MSI1: variants seen among roughly 807,000 people sequenced by gnomAD.
MSI1 encodes the protein musashi RNA binding protein 1, also known as RNA-binding protein Musashi homolog 1.
MSI1 carries 15 observed loss-of-function variants against 54.4 expected under a neutral mutation model. That is an observed-to-expected ratio of 0.28 (90% CI 0.18 to 0.42). The LOEUF (loss-of-function observed/expected upper bound fraction) is 0.42. MSI1 is among the 20% of genes least tolerant of loss of function. The probability of loss-of-function intolerance (pLI) is 1.00; values close to 1 mark genes in which losing one functional copy is unlikely to be tolerated. For missense variants in MSI1, 304 were observed against 506.0 expected, an observed-to-expected ratio of 0.60 and a Z score of 3.83; for synonymous variants, 200 against 196.5, an observed-to-expected ratio of 1.02 and a Z score of -0.15.
chr12:120,369,141 G>A lies in MSI1; in HGVS notation c.-50C>T. On this transcript the variant is annotated 5_prime_UTR_variant, in exon 1 of 15. Coordinates refer to ENST00000257552, the MANE Select transcript of MSI1 (RefSeq NM_002442.4). ...GCGGAGCGGCGGCGGCGGCGGCGGC[G>A]GCGGCGCTCGGCGCGGGGCAGATGA... is the stretch of plus-strand genomic sequence containing the variant. 3 of 1,000,430 alleles carry A rather than the reference G, an allele frequency of 3.0e-6. No homozygotes were observed. The highest frequency in any genetic ancestry group is 3.6e-6 in the Non-Finnish European group (3 of 844,592). 62.0% of individuals were successfully genotyped at this position (1,000,430 alleles called of 1,614,324 possible).
Position 120,353,300 on chromosome 12 carries a change from G to T in MSI1, c.732C>A (p.Pro244=). 1 of 1,613,920 alleles carries T rather than the reference G, an allele frequency of 6.2e-7. No individual in the cohort carries two copies. Among genetic ancestry groups the T allele is most frequent in the South Asian group, 1.1e-5 (1 of 91,066 alleles). The change falls in exon 10 of 15, where the codon CCC becomes CCA. Residue 244 remains proline (P), a splice_region_variant and synonymous_variant. Transcript: ENST00000257552. ...AGAGGGATACTGAGCAGGACTTACC[G>T]GGGAACTGGTAGGTGTAGCCAGGGG... ...GLAPGYTYQF[P]EFRVERTPLP...
intron 11 of MSI1, among the ~76,000 whole-genome samples, chr12:120,350,502 C>T (rs541101325): frequency 6.6e-6 from 1 of 152,198 alleles, no homozygotes; most frequent in Non-Finnish European, 1.5e-5. Context: ...TTTGGGGGAA[C>T]CCTGAGCACC....
intron 9 of MSI1, among the ~76,000 whole-genome samples, chr12:120,353,984 T>A (rs1392861568): frequency 2.0e-5 from 3 of 152,196 alleles, no homozygotes. Context: ...TGATTTTTTT[T>A]TCTTTTTTCT....
chr12:120,352,402 G>A (rs932702958), intron 10 of MSI1, among the ~76,000 whole-genome samples: 2 of 152,010 alleles, frequency 1.3e-5, no homozygotes, highest in African/African-American at 4.8e-5. Flanking sequence ...TTGGGGGAAG[G>A]CAGCCTGATG....
intron 6 of MSI1, among the ~76,000 whole-genome samples, chr12:120,359,271 A>G (rs1411258571): frequency 6.6e-6 from 1 of 152,154 alleles, no homozygotes. Flanking sequence ...ATTAAGCTCC[A>G]TTGTCCTCCC....
In MSI1 at chr12:120,352,373, T is replaced by TTGTG. The variant is rs372263696; in HGVS notation, c.733+922_733+925dup. ...AACATCTCCCAGAATCCTCTTCTTCTTGTGTGTGTGTGTGTGTGTTGGGGG... is the reference window on the plus strand; with the variant it reads ...AACATCTCCCAGAATCCTCTTCTTCTTGTGTGTGTGTGTGTGTGTGTGTTGGGGG... On this transcript the variant is annotated intron_variant, in intron 10 of 14. Coordinates refer to ENST00000257552, the MANE Select transcript of MSI1 (RefSeq NM_002442.4). Among the ~76,000 whole-genome samples the TTGTG allele has an allele frequency of 5.3e-4, 80 of 150,532 alleles. 1 individual carries two copies. The highest frequency in any genetic ancestry group is 1.8e-3 in the African/African-American group (72 of 41,116).
At chr12:120,345,430 G>A (rs1874028902) in intron 14 of MSI1, 140 bp downstream of exon 14, 1 of 688,422 alleles carries the variant, frequency 1.5e-6, no homozygotes, top group Non-Finnish European at 2.5e-6. Context: ...CATCTTTATT[G>A]ACCACAGCTG....
At chr12:120,352,721 T>C (rs1175249553) in intron 10 of MSI1, among the ~76,000 whole-genome samples, 1 of 151,520 alleles carries the variant, frequency 6.6e-6, no homozygotes, top group Admixed American at 6.6e-5. Context: ...GTATTTCTTA[T>C]TTCAAAGAAA....
chr12:120,349,095 A>ATTT (rs11447122), intron 11 of MSI1, among the ~76,000 whole-genome samples: 9 of 128,274 alleles, frequency 7.0e-5, no homozygotes, highest in Admixed American at 1.7e-4. Flanking sequence ...GTTTTACTTG[A>ATTT]TTTTTTTTTT....
At chr12:120,349,602 T>C (rs148062104) in intron 11 of MSI1, among the ~76,000 whole-genome samples, 68 of 152,362 alleles carry the variant, frequency 4.5e-4, no homozygotes, top group African/African-American at 1.5e-3. Context: ...ACCTTGTCTG[T>C]GTCACTCACT....
chr12:120,346,231 G>A lies in MSI1; in HGVS notation c.951C>T (p.Ala317=). ...CCTGGTTGGCCGCCCCGTAGAGCTC[G>A]GCCATGGGGCCGGGGCTGGTGGTCC... The part of the protein sequence containing the change: ...FLGTTSPGPM[A]ELYGAANQDS... Residue 317 remains alanine (A), a synonymous_variant, in exon 13 of 15, where the codon GCC becomes GCT. Coordinates refer to ENST00000257552, the MANE Select transcript of MSI1 (RefSeq NM_002442.4). 1.9e-6 allele frequency: 3 copies of A among 1,596,104 alleles called. No homozygotes were observed. The highest frequency in any genetic ancestry group is 2.3e-5 in the East Asian group (1 of 44,232).
chr12:120,360,754 CT>C (rs1482654567), intron 6 of MSI1, among the ~76,000 whole-genome samples: 3 of 152,038 alleles, frequency 2.0e-5, no homozygotes, highest in African/African-American at 7.2e-5. Context: ...GTTTCTCTGG[CT>C]TTGGTTCCTC....
intron 11 of MSI1, among the ~76,000 whole-genome samples, chr12:120,349,835 T>G (rs975348287): frequency 4.6e-5 from 7 of 152,370 alleles, no homozygotes; most frequent in African/African-American, 1.7e-4. Flanking sequence ...CTCTGAGGTC[T>G]GTTGTTTGGC....
At chr12:120,352,997 C>T (rs1874761872) in intron 10 of MSI1, among the ~76,000 whole-genome samples, 1 of 152,112 alleles carries the variant, frequency 6.6e-6, no homozygotes, top group Non-Finnish European at 1.5e-5. Context: ...AATGCCCTCT[C>T]TGGTGGAAGT....
rs1232552791 is a variant in MSI1 at position 120,364,782 on chromosome 12, G to T, written c.268-27C>A. The T allele has an allele frequency of 2.5e-6, 4 of 1,583,878 alleles. No individual in the cohort carries two copies. The Admixed American group carries it at 5.5e-5, about 22-fold the overall frequency. ...TACAAGAAAAGGGAGAGGTAGAAGG[G>T]GTCTTGGTTATCGCATTTTTAGAAG... On this transcript the variant is annotated intron_variant, in intron 4 of 14. Transcript: ENST00000257552.
At chr12:120,346,610 C>T in intron 12 of MSI1, among the ~76,000 whole-genome samples, 1 of 152,152 alleles carries the variant, frequency 6.6e-6, no homozygotes, top group South Asian at 2.1e-4. Flanking sequence ...CCCTCTGCTA[C>T]TTGCAATTTC....
At chr12:120,356,267 C>G (rs1334632008) in intron 9 of MSI1, among the ~76,000 whole-genome samples, 2 of 152,140 alleles carry the variant, frequency 1.3e-5, no homozygotes, top group Non-Finnish European at 2.9e-5. Context: ...GACCAGGCAG[C>G]CTTCCTTTTG....
chr12:120,366,556 A>T (rs2136991055), intron 4 of MSI1, among the ~76,000 whole-genome samples: 1 of 152,128 alleles, frequency 6.6e-6, no homozygotes, highest in African/African-American at 2.4e-5. Context: ...CCAAGCCACG[A>T]TCCCACAGAC....
rs1477204421 is a variant in MSI1 at position 120,368,619 on chromosome 12, C to A, written c.100+214G>T. Among the ~76,000 whole-genome samples, 1 of 151,938 alleles carries A rather than the reference C, an allele frequency of 6.6e-6. No individual in the cohort carries two copies. Among genetic ancestry groups the A allele is most frequent in the African/African-American group, 2.4e-5 (1 of 41,418 alleles). ...GGGGGCCCAGCCCACCCCCCGATAC[C>A]CCCTGAACCCCTCATCTGCTCCCCT... On this transcript the variant is annotated intron_variant, in intron 2 of 14. Coordinates refer to ENST00000257552, the MANE Select transcript of MSI1 (RefSeq NM_002442.4). The surrounding 1 kb of genome is among the most constrained non-coding windows in gnomAD (Gnocchi z 6.6).
Sources: allele counts gnomAD v4.1 joint callset (sites outside exome capture counted in the v4.1 genomes callset), GRCh38; gene constraint gnomAD v4.1.1; non-coding constraint Gnocchi (gnomAD v3.1); transcripts MANE v1.5; gene names NCBI Gene and HGNC (gene_info 2026-07-23, HGNC 2026-07-21).